PLEKHH3: variants seen among roughly 807,000 people sequenced by gnomAD.
The protein encoded by PLEKHH3 is pleckstrin homology domain-containing family H member 3.
PLEKHH3 carries 57 observed loss-of-function variants against 77.8 expected under a neutral mutation model. The observed-to-expected ratio is 0.73, with a 90% CI of 0.59 to 0.91. PLEKHH3 has a LOEUF of 0.91. Ranked by LOEUF, PLEKHH3 falls within the 40% of genes least tolerant of loss-of-function variation. PLEKHH3 has a pLI of 0.00. For missense variants in PLEKHH3, 1,082 were observed against 1,091.2 expected (o/e 0.99, Z 0.12); for synonymous variants, 467 against 504.8 (o/e 0.93, Z 1.00).
intron 2 of PLEKHH3, 78 bp from the exon 3 acceptor site, chr17:42,674,091 C>T: frequency 1.4e-6 from 2 of 1,443,082 alleles, no homozygotes; most frequent in East Asian, 2.4e-5. Context: ...CCAGACCGCA[C>T]GGGTGTCTGC....
intron 10 of PLEKHH3, 74 bp from the exon 11 acceptor site, chr17:42,670,450 G>A: frequency 6.8e-7 from 1 of 1,477,114 alleles, no homozygotes; most frequent in Non-Finnish European, 9.0e-7. Context: ...CGGAATCTGA[G>A]CAGGTCTAGG....
Position 42,676,286 on chromosome 17 carries a change from C to T in PLEKHH3, c.162+116G>A, listed in dbSNP as rs2052825287. 33 of 1,517,046 alleles carry T rather than the reference C, an allele frequency of 2.2e-5. No homozygotes were observed. The highest frequency in any genetic ancestry group is 2.8e-5 in the Non-Finnish European group (32 of 1,133,952). 94.0% of individuals were successfully genotyped at this position (1,517,046 alleles called of 1,614,324 possible). A position where few individuals can be genotyped will look rare whatever the true frequency, so the allele number is the denominator to read the frequency against. ...CTTTGGCCCCCAGGCAAAAAACTCT[C>T]CCTCATCCCTAGTTCGCCAAGCGCG... On this transcript the variant is annotated intron_variant, in intron 1 of 12. Coordinates refer to ENST00000591022, the MANE Select transcript of PLEKHH3 (RefSeq NM_024927.5). The surrounding 1 kb of genome is among the most constrained non-coding windows in gnomAD (Gnocchi z 6.6).
rs1053562140 is a variant in PLEKHH3, at chr17:42,676,144, C to T, written c.162+258G>A. ...AAGGGAGAGGCAGGGCCAGGTCGGG[C>T]CACGCGTGACGCCTCCCCTGCCTCA... On this transcript the variant is annotated intron_variant, in intron 1 of 12. Coordinates refer to ENST00000591022, the MANE Select transcript of PLEKHH3 (RefSeq NM_024927.5). The surrounding 1 kb of genome is among the most constrained non-coding windows in gnomAD (Gnocchi z 6.6). The T allele has an allele frequency of 6.6e-6, 9 of 1,358,564 alleles. No individual in the cohort carries two copies. In the African/African-American group the frequency reaches 1.3e-4, roughly 20 times the overall value. 84.2% of individuals were successfully genotyped at this position (1,358,564 alleles called of 1,614,324 possible).
Position 42,672,395 on chromosome 17 carries a change from G to T in PLEKHH3, c.770-3C>A, listed in dbSNP as rs1369852725. The T allele has an allele frequency of 6.6e-7, 1 of 1,503,932 alleles. No individual in the cohort carries two copies. 93.2% of individuals were successfully genotyped at this position (1,503,932 alleles called of 1,614,324 possible). On this transcript the variant is annotated splice_polypyrimidine_tract_variant and splice_region_variant and intron_variant, in intron 6 of 12. Coordinates refer to ENST00000591022, the MANE Select transcript of PLEKHH3 (RefSeq NM_024927.5). ...GCGCAGGGGTGCATAGCCCGGACCT[G>T]TGGGAGGGTGGGGGCGGAGGGACGG...
chr17:42,668,165 G>C lies in PLEKHH3; in HGVS notation c.2344C>G (p.Gln782Glu). 1 of 1,508,844 alleles carries C rather than the reference G, an allele frequency of 6.6e-7. No individual in the cohort carries two copies. Among genetic ancestry groups the C allele is most frequent in the East Asian group, 2.6e-5 (1 of 38,736 alleles). The allele number at this position is 1,508,844 out of a possible 1,614,324, so 93.5% of individuals were successfully genotyped here. The change falls in exon 13 of 13, where the codon CAG becomes GAG. Residue 782 changes from glutamine to glutamate, a missense_variant. Gln to Glu is a conservative substitution (Grantham distance 29, BLOSUM62 2). Coordinates refer to ENST00000591022, the MANE Select transcript of PLEKHH3 (RefSeq NM_024927.5). Reference sequence around the variant, plus strand: ...TGCCCCAAGCAGCCAGACTGTCCCTGGGGCTCGTCCAGGCCCGGGCGCTGG... The same window carrying C: ...TGCCCCAAGCAGCCAGACTGTCCCTCGGGCTCGTCCAGGCCCGGGCGCTGG... ...PSQRPGLDEP[Q>E]GQSGCLGQLQ...
At chr17:42,672,556 C>T (rs2052727201) in intron 6 of PLEKHH3, among the ~76,000 whole-genome samples, 164 bp from the exon 7 acceptor site, 1 of 151,962 alleles carries the variant, frequency 6.6e-6, no homozygotes, top group African/African-American at 2.4e-5. Flanking sequence ...AGCAGTGGTC[C>T]CACGGAGCCA....
In PLEKHH3 at chr17:42,669,919, G is replaced by A; in HGVS notation, c.2012C>T (p.Thr671Met). 2 of 1,613,546 alleles carry A rather than the reference G, an allele frequency of 1.2e-6. No individual in the cohort carries two copies. Among genetic ancestry groups the A allele is most frequent in the Non-Finnish European group, 1.7e-6 (2 of 1,179,926 alleles). ...AARYDVLELS[T>M]EPGRGAPQKL... Reference sequence around the variant, plus strand: ...CCCCTTCTCCCTTCTCCCCCTCACCGTGCTCAGCTCCAGAACGTCATACCG... The same window carrying A: ...CCCCTTCTCCCTTCTCCCCCTCACCATGCTCAGCTCCAGAACGTCATACCG... Residue 671 changes from threonine (T) to methionine (M), a missense_variant and splice_region_variant, in exon 11 of 13, where the codon ACG (threonine) becomes ATG (methionine). Coordinates refer to ENST00000591022, the MANE Select transcript of PLEKHH3 (RefSeq NM_024927.5).
At chr17:42,672,943 AT>A (rs2052734581) in intron 6 of PLEKHH3, among the ~76,000 whole-genome samples, 1 of 152,168 alleles carries the variant, frequency 6.6e-6, no homozygotes, top group Non-Finnish European at 1.5e-5. Flanking sequence ...CTGAAGGAAC[AT>A]CAGTAGTCAG....
At position 42,671,127 on chromosome 17, in the gene PLEKHH3, C is replaced by A; in HGVS notation, c.1288G>T (p.Ala430Ser). Reference protein sequence around the residue: ...IDSHTTAGEVARELVGRLGLA... With the variant: ...IDSHTTAGEVSRELVGRLGLA... ...CCCAGCCGCCCCACCAGCTCTCGAG[C>A]CACCTAGAAGAGGAGGGTGAGGGGA... The change falls in exon 9 of 13, where the codon GCT becomes TCT. Residue 430 changes from alanine to serine, a missense_variant. Ala to Ser is a moderately conservative substitution (Grantham distance 99). Coordinates refer to ENST00000591022, the MANE Select transcript of PLEKHH3 (RefSeq NM_024927.5). The surrounding 1 kb of genome is among the most constrained non-coding windows in gnomAD (Gnocchi z 4.7). 1.3e-6 allele frequency: 2 copies of A among 1,583,298 alleles called. No individual in the cohort carries two copies. Among genetic ancestry groups the A allele is most frequent in the Admixed American group, 1.9e-5 (1 of 54,036 alleles).
Position 42,671,688 on chromosome 17 carries a change from C to G in PLEKHH3, c.1077-130G>C. ...CGCCCCAACTCAAGTTCTTTGAAGG[C>G]TCTTCTAAATCTCTCCCCAGTGCTT... On this transcript the variant is annotated intron_variant, in intron 7 of 12. Transcript: ENST00000591022. The surrounding 1 kb of genome is among the most constrained non-coding windows in gnomAD (Gnocchi z 4.7). The G allele has an allele frequency of 9.8e-7, 1 of 1,018,216 alleles. No homozygotes were observed. Among genetic ancestry groups the G allele is most frequent in the Non-Finnish European group, 1.4e-6 (1 of 706,900 alleles). The allele number at this position is 1,018,216 out of a possible 1,614,324, so 63.1% of individuals were successfully genotyped here. A position where few individuals can be genotyped will look rare whatever the true frequency, so the allele number is the denominator to read the frequency against.
intron 6 of PLEKHH3, among the ~76,000 whole-genome samples, chr17:42,672,612 A>G (rs2052728435): frequency 6.6e-6 from 1 of 152,122 alleles, no homozygotes; most frequent in South Asian, 2.1e-4. Context: ...CAATCCCACT[A>G]AGCCTGCATT....
chr17:42,671,722 G>C lies in PLEKHH3; in HGVS notation c.1077-164C>G, dbSNP rs2052707119. ...ATCTCTCCCCAGTGCTTTGCATAGA[G>C]CTGAATTACTTTTCAAGTCCCCTGG... is the stretch of plus-strand genomic sequence containing the variant. On this transcript the variant is annotated intron_variant, in intron 7 of 12. Transcript: ENST00000591022. This position sits in a 1 kb window ranked among gnomAD's most constrained non-coding sequence, Gnocchi z 4.7. 1.3e-5 allele frequency among the ~76,000 whole-genome samples: 2 copies of C among 152,154 alleles called. No individual in the cohort carries two copies. Among genetic ancestry groups the C allele is most frequent in the Non-Finnish European group, 1.5e-5 (1 of 68,038 alleles).
At position 42,669,943 on chromosome 17, in the gene PLEKHH3, C is replaced by G. The variant is rs1158879077; in HGVS notation, c.1988G>C (p.Arg663Pro). The G allele has an allele frequency of 6.2e-7, 1 of 1,613,432 alleles. No individual in the cohort carries two copies. Among genetic ancestry groups the G allele is most frequent in the Admixed American group, 1.7e-5 (1 of 60,012 alleles). ...AAQCPGFGAARYDVLELSTEP... is the reference protein window; with the variant it reads ...AAQCPGFGAAPYDVLELSTEP... ...CGTGCTCAGCTCCAGAACGTCATAC[C>G]GAGCAGCGCCGAACCCCGGACACTG... The change falls in exon 11 of 13, where the codon CGG (arginine) becomes CCG (proline). Residue 663 changes from arginine to proline, a missense_variant. Physicochemically the swap from Arg to Pro is moderately radical, Grantham distance 103. Transcript: ENST00000591022.
At position 42,671,026 on chromosome 17, in the gene PLEKHH3, G is replaced by A; in HGVS notation, c.1389C>T (p.Thr463=). Reference sequence around the variant, plus strand: ...ACCTGGTGAGCACGTCGGCCACGAGGGTCCCCCCAGCCAGGGCTCGCTCCT... The same window carrying A: ...ACCTGGTGAGCACGTCGGCCACGAGAGTCCCCCCAGCCAGGGCTCGCTCCT... ...GAQERALAGG[T]LVADVLTRFE... is the part of the protein sequence containing the mutation. The change falls in exon 9 of 13, where the codon ACC becomes ACT. Residue 463 remains threonine, a synonymous_variant. Coordinates refer to ENST00000591022, the MANE Select transcript of PLEKHH3 (RefSeq NM_024927.5). The surrounding 1 kb of genome is among the most constrained non-coding windows in gnomAD (Gnocchi z 4.7). 6 of 1,610,528 alleles carry A rather than the reference G, an allele frequency of 3.7e-6. No homozygotes were observed. Among genetic ancestry groups the A allele is most frequent in the Non-Finnish European group, 4.2e-6 (5 of 1,179,086 alleles).
chr17:42,672,393 C>T lies in PLEKHH3; in HGVS notation c.770-1G>A. On this transcript the variant is annotated splice_acceptor_variant, in intron 6 of 12. Coordinates refer to ENST00000591022, the MANE Select transcript of PLEKHH3 (RefSeq NM_024927.5). LOFTEE classifies it high-confidence loss of function. The stretch of plus-strand genomic sequence containing the variant: ...TCGCGCAGGGGTGCATAGCCCGGAC[C>T]TGTGGGAGGGTGGGGGCGGAGGGAC... The T allele has an allele frequency of 6.6e-7, 1 of 1,509,120 alleles. No homozygotes were observed. The highest frequency in any genetic ancestry group is 8.9e-7 in the Non-Finnish European group (1 of 1,129,746). The allele number at this position is 1,509,120 out of a possible 1,614,324, so 93.5% of individuals were successfully genotyped here.
chr17:42,674,473 T>C (rs919738494), intron 1 of PLEKHH3, 64 bp from the exon 2 acceptor site: 14 of 1,457,990 alleles, frequency 9.6e-6, no homozygotes, highest in Non-Finnish European at 1.3e-5. Flanking sequence ...TCGTGCCTTC[T>C]GCCCTCAGGA....
Position 42,669,956 on chromosome 17 carries a change from AC to A in PLEKHH3, c.1974del (p.Phe659SerfsTer11), listed in dbSNP as rs770453788. On this transcript the variant is annotated frameshift_variant, in exon 11 of 13. Coordinates refer to ENST00000591022, the MANE Select transcript of PLEKHH3 (RefSeq NM_024927.5). LOFTEE classifies it high-confidence loss of function. ...AGAACGTCATACCGAGCAGCGCCGAACCCCGGACACTGCGCCGCCAGGGCCA... is the reference window on the plus strand; with the variant it reads ...AGAACGTCATACCGAGCAGCGCCGAACCCGGACACTGCGCCGCCAGGGCCA... The part of the protein sequence containing the change: ...AYLALAAQCP[G>X]FGAARYDVLE... The A allele has an allele frequency of 5.0e-6, 8 of 1,612,814 alleles. No individual in the cohort carries two copies. Among genetic ancestry groups the A allele is most frequent in the Non-Finnish European group, 5.9e-6 (7 of 1,179,740 alleles).
intron 1 of PLEKHH3, among the ~76,000 whole-genome samples, 160 bp from the exon 2 acceptor site, chr17:42,674,569 C>T (rs1313934310): frequency 6.6e-6 from 1 of 152,166 alleles, no homozygotes; most frequent in Admixed American, 6.5e-5. Context: ...CTGGGCTCGC[C>T]CCTCCCGCCA....
At position 42,673,649 on chromosome 17, in the gene PLEKHH3, C is replaced by T. The variant is rs2052753481; in HGVS notation, c.484G>A (p.Glu162Lys). ...SVTGPERRRKETGLWSVTVSG... is the reference protein window; with the variant it reads ...SVTGPERRRKKTGLWSVTVSG... ...AGTCCCCAGGAGGTCTCACCTGTCT[C>T]CTTACGCCTGCGCTCTGGGCCGGTC... Residue 162 changes from glutamate to lysine, a missense_variant, in exon 4 of 13, where the codon GAG (glutamate) becomes AAG (lysine). Glu to Lys is a moderately conservative substitution (Grantham distance 56). Coordinates refer to ENST00000591022, the MANE Select transcript of PLEKHH3 (RefSeq NM_024927.5). 3.7e-6 allele frequency: 6 copies of T among 1,602,832 alleles called. No individual in the cohort carries two copies. The highest frequency in any genetic ancestry group is 4.5e-5 in the East Asian group (2 of 44,870).
Sources: allele counts gnomAD v4.1 joint callset (sites outside exome capture counted in the v4.1 genomes callset), GRCh38; gene constraint gnomAD v4.1.1; non-coding constraint Gnocchi (gnomAD v3.1); transcripts MANE v1.5; gene names NCBI Gene and HGNC (gene_info 2026-07-23, HGNC 2026-07-21).